CRTAC1: variants seen among roughly 807,000 people sequenced by gnomAD.
The protein encoded by CRTAC1 is cartilage acidic protein 1.
CRTAC1 carries 37 observed loss-of-function variants against 67.8 expected under a neutral mutation model. That is an observed-to-expected ratio of 0.55 (90% CI 0.42 to 0.72). CRTAC1 has a LOEUF of 0.72. CRTAC1 is among the 30% of genes least tolerant of loss of function. The pLI, the probability that CRTAC1 is intolerant of heterozygous loss-of-function variation, is 0.00. For synonymous variants in CRTAC1, 348 were observed against 371.0 expected (o/e 0.94, Z 0.71); for missense variants, 780 against 931.6 (o/e 0.84, Z 2.12).
At chr10:97,927,103 G>T (rs1387851786) in intron 3 of CRTAC1, among the ~76,000 whole-genome samples, 2 of 152,210 alleles carry the variant, frequency 1.3e-5, no homozygotes, top group African/African-American at 4.8e-5. Context: ...TGGATTCAGT[G>T]AGAGAAATTT....
chr10:97,916,510 C>T (rs1414122605), intron 5 of CRTAC1, among the ~76,000 whole-genome samples: 1 of 152,122 alleles, frequency 6.6e-6, no homozygotes, highest in Non-Finnish European at 1.5e-5. Flanking sequence ...GCAGTGACAA[C>T]CCTTTCTGGG....
At chr10:98,019,595 C>A (rs1263509312) in intron 1 of CRTAC1, among the ~76,000 whole-genome samples, 2 of 152,216 alleles carry the variant, frequency 1.3e-5, no homozygotes, top group Non-Finnish European at 2.9e-5. Context: ...CGTCTTTACT[C>A]TGCTCCCTTC....
At chr10:97,923,146 C>A (rs2050864353) in intron 4 of CRTAC1, 118 bp downstream of exon 4, 1 of 1,154,868 alleles carries the variant, frequency 8.7e-7, no homozygotes, top group African/African-American at 1.5e-5. Context: ...GTATTTAGCA[C>A]CCAATCTATC....
chr10:97,939,454 A>G (rs1312215916), intron 2 of CRTAC1, among the ~76,000 whole-genome samples: 2 of 152,080 alleles, frequency 1.3e-5, no homozygotes, highest in Non-Finnish European at 2.9e-5. Flanking sequence ...CATCTCCCCC[A>G]GTCCCCACTG....
intron 2 of CRTAC1, among the ~76,000 whole-genome samples, chr10:97,997,227 A>G (rs1039253440): frequency 8.1e-6 from 1 of 123,420 alleles, no homozygotes; most frequent in Non-Finnish European, 1.7e-5. Context: ...CTAAAACTTA[A>G]AGTATAATAA....
intron 6 of CRTAC1, among the ~76,000 whole-genome samples, chr10:97,905,224 G>C (rs1590197701): frequency 6.6e-6 from 1 of 152,234 alleles, no homozygotes; most frequent in Non-Finnish European, 1.5e-5. Context: ...AATCCTTTTA[G>C]GGAAAGTTCT....
chr10:97,991,619 G>A (rs769325935), intron 2 of CRTAC1, among the ~76,000 whole-genome samples: 1 of 152,104 alleles, frequency 6.6e-6, no homozygotes, highest in Non-Finnish European at 1.5e-5. Flanking sequence ...GTATGTGTCA[G>A]GTGCTGTGCT....
intron 6 of CRTAC1, among the ~76,000 whole-genome samples, chr10:97,907,504 G>A (rs182180585): frequency 1.3e-4 from 19 of 151,580 alleles, no homozygotes; most frequent in Non-Finnish European, 1.8e-4. Context: ...TATTACAGCC[G>A]GATATTTTTG....
At chr10:97,993,644 G>A (rs1842501072) in intron 2 of CRTAC1, among the ~76,000 whole-genome samples, 4 of 152,144 alleles carry the variant, frequency 2.6e-5, no homozygotes, top group Admixed American at 2.6e-4. Context: ...CAATCACTCT[G>A]AGTATAGCTA....
intron 2 of CRTAC1, among the ~76,000 whole-genome samples, chr10:97,985,227 A>G (rs920413089): frequency 6.6e-6 from 1 of 152,194 alleles, no homozygotes; most frequent in Admixed American, 6.5e-5. Flanking sequence ...AACCATAGCT[A>G]AGCCCTGTTA....
Position 97,880,238 on chromosome 10 carries a change from GC to G in CRTAC1, c.1819+10del. The stretch of plus-strand genomic sequence containing the variant: ...CTTTTGCTACTGGCCTATGGCTGGG[GC>G]CCCACTCACCCACGCAGGCTGTGCC... On this transcript the variant is annotated intron_variant, in intron 14 of 14. Transcript: ENST00000370597. 1 of 1,613,608 alleles carries G rather than the reference GC, an allele frequency of 6.2e-7. No individual in the cohort carries two copies. The highest frequency in any genetic ancestry group is 8.5e-7 in the Non-Finnish European group (1 of 1,179,598).
intron 2 of CRTAC1, among the ~76,000 whole-genome samples, chr10:97,982,908 T>C (rs1021653254): frequency 6.6e-6 from 1 of 152,162 alleles, no homozygotes; most frequent in African/African-American, 2.4e-5. Flanking sequence ...CAAACAGCTT[T>C]TTAATTTTTT....
chr10:97,914,481 A>G (rs1370042763), intron 5 of CRTAC1, among the ~76,000 whole-genome samples: 2 of 152,188 alleles, frequency 1.3e-5, no homozygotes, highest in African/African-American at 4.8e-5. Context: ...TGAAGATGAG[A>G]AAACTGAGGC....
intron 7 of CRTAC1, among the ~76,000 whole-genome samples, chr10:97,902,220 T>C (rs1159423112): frequency 1.3e-5 from 2 of 152,184 alleles, no homozygotes; most frequent in Non-Finnish European, 2.9e-5. Flanking sequence ...GTGGGAATAG[T>C]AATAGCTGCC....
chr10:97,906,661 GGGGT>G, intron 6 of CRTAC1, among the ~76,000 whole-genome samples: 1 of 152,298 alleles, frequency 6.6e-6, no homozygotes, highest in East Asian at 1.9e-4. Context: ...AGCACTAGGA[GGGGT>G]GAGCCAGGTG....
At chr10:97,869,860 A>G (rs1168050725) in intron 14 of CRTAC1, 1 of 152,282 alleles carries the variant, frequency 6.6e-6, no homozygotes, top group Non-Finnish European at 1.5e-5. Flanking sequence ...CCACACCTCT[A>G]GAAGGACTCA....
chr10:97,899,820 C>T (rs1477608679), intron 8 of CRTAC1, among the ~76,000 whole-genome samples: 1 of 152,270 alleles, frequency 6.6e-6, no homozygotes, highest in Non-Finnish European at 1.5e-5. Context: ...GGATCCAAGG[C>T]CCTGGCACAC....
chr10:97,960,712 A>G (rs969302185), intron 2 of CRTAC1, among the ~76,000 whole-genome samples: 1 of 152,234 alleles, frequency 6.6e-6, no homozygotes, highest in African/African-American at 2.4e-5. Flanking sequence ...GATTCTGGCT[A>G]AGAGAATGAT....
At chr10:97,960,734 T>G (rs1379736905) in intron 2 of CRTAC1, among the ~76,000 whole-genome samples, 1 of 152,234 alleles carries the variant, frequency 6.6e-6, no homozygotes, top group Admixed American at 6.5e-5. Context: ...ATCTGGCTTA[T>G]GGGTCAACAT....
Sources: gnomAD v4.1 joint callset for allele counts (sites outside exome capture counted in the v4.1 genomes callset) on GRCh38, gnomAD v4.1.1 for gene constraint, MANE v1.5 for transcripts, NCBI Gene and HGNC (gene_info 2026-07-23, HGNC 2026-07-21) for gene names.